Variants in SNX4 observed in about 807,000 individuals in gnomAD.
SNX4 encodes the protein sorting nexin 4.
SNX4 carries 49 observed loss-of-function variants against 70.8 expected under a neutral mutation model. The observed-to-expected ratio is 0.69, with a 90% CI of 0.55 to 0.88. SNX4 has a LOEUF of 0.88. Among genes scored for constraint, SNX4 ranks in the 40% least tolerant of loss-of-function variants. The pLI, the probability that SNX4 is intolerant of heterozygous loss-of-function variation, is 0.00. For missense variants in SNX4, 528 were observed against 544.8 expected (o/e 0.97, Z 0.31); for synonymous variants, 206 against 183.8 (o/e 1.12, Z -0.98).
chr3:125,483,986 T>C (rs1559817747), intron 6 of SNX4, among the ~76,000 whole-genome samples: 1 of 152,192 alleles, frequency 6.6e-6, no homozygotes, highest in Non-Finnish European at 1.5e-5. Flanking sequence ...GTCAGAATGT[T>C]GCAGTTTCAC....
chr3:125,472,479 T>A (rs529499082), intron 8 of SNX4, among the ~76,000 whole-genome samples: 1 of 152,330 alleles, frequency 6.6e-6, no homozygotes, highest in East Asian at 1.9e-4. Flanking sequence ...CATGGCACAC[T>A]CTTTCTGAAG....
At chr3:125,452,361 G>A (rs752434470) in intron 12 of SNX4, among the ~76,000 whole-genome samples, 15 of 152,146 alleles carry the variant, frequency 9.9e-5, no homozygotes, top group Non-Finnish European at 1.9e-4. Flanking sequence ...CTCCCAAAGT[G>A]CTAGGATTAC....
intron 9 of SNX4, among the ~76,000 whole-genome samples, chr3:125,464,374 T>C (rs1404690679): frequency 5.3e-5 from 8 of 152,192 alleles, no homozygotes; most frequent in Non-Finnish European, 4.4e-5. Flanking sequence ...CTATAAGCTA[T>C]ACTTTTACCT....
intron 6 of SNX4, among the ~76,000 whole-genome samples, chr3:125,483,202 C>A (rs897009392): frequency 6.6e-6 from 1 of 150,806 alleles, no homozygotes; most frequent in African/African-American, 2.4e-5. Context: ...TAACTGTGAG[C>A]GGCTTTCTTT....
At chr3:125,472,983 A>T (rs1027277305) in intron 8 of SNX4, among the ~76,000 whole-genome samples, 3 of 151,970 alleles carry the variant, frequency 2.0e-5, no homozygotes, top group African/African-American at 7.3e-5. Context: ...CTTCAAAAAT[A>T]ACCACAGTTC....
rs1412819772 is a variant in SNX4, at chr3:125,489,352, AGATT to A, written c.653+52_653+55del. 142 of 1,278,754 alleles carry A rather than the reference AGATT, an allele frequency of 1.1e-4. No homozygotes were observed. The African/African-American group carries it at 1.8e-3, about 16-fold the overall frequency. 79.2% of individuals were successfully genotyped at this position (1,278,754 alleles called of 1,614,324 possible). A position where few individuals can be genotyped will look rare whatever the true frequency, so the allele number is the denominator to read the frequency against. The stretch of plus-strand genomic sequence containing the variant: ...TACATTCAGAAATGAAAAATTAAAT[AGATT>A]GATAGCACCATTCAAAACAACATTG... On this transcript the variant is annotated intron_variant, in intron 6 of 13. Transcript: ENST00000251775.
intron 6 of SNX4, among the ~76,000 whole-genome samples, chr3:125,486,858 C>A (rs74642779): frequency 0.023 from 3,518 of 152,192 alleles, 143 homozygotes; most frequent in African/African-American, 0.08. Flanking sequence ...CCAGACCAGC[C>A]TGAGCAACAC....
In SNX4 at chr3:125,507,869, C is replaced by T. The variant is rs1423419611; in HGVS notation, c.142-3125G>A. ...CGGAGGTTGCAGTGAGCCAAGATCA[C>T]GCCACTGAACTTCAGTCTGGGCAAC... On this transcript the variant is annotated intron_variant, in intron 1 of 13. Coordinates refer to ENST00000251775, the MANE Select transcript of SNX4 (RefSeq NM_003794.4). Among the ~76,000 whole-genome samples, 7 of 151,942 alleles carry T rather than the reference C, an allele frequency of 4.6e-5. No individual in the cohort carries two copies. In the East Asian group the frequency reaches 5.8e-4, roughly 13 times the overall value.
intron 5 of SNX4, among the ~76,000 whole-genome samples, chr3:125,492,107 CAAAAAAAAAAAA>C (rs60558490): frequency 2.1e-4 from 10 of 47,398 alleles, no homozygotes; most frequent in African/African-American, 3.6e-4. Context: ...GACTCCATCT[CAAAAAAAAAAAA>C]AAAAAAAAAA....
chr3:125,488,193 AG>A (rs1934574536), intron 6 of SNX4, among the ~76,000 whole-genome samples: 5 of 147,400 alleles, frequency 3.4e-5, no homozygotes, highest in Middle Eastern at 3.5e-3. Flanking sequence ...AAAAAAAAAA[AG>A]GCCAGGCATG....
At chr3:125,486,331 A>AAACTATCACTTTACG (rs1297579099) in intron 6 of SNX4, among the ~76,000 whole-genome samples, 1 of 152,192 alleles carries the variant, frequency 6.6e-6, no homozygotes, top group Non-Finnish European at 1.5e-5. Context: ...TAAAAGAAAA[A>AAACTATCACTTTACG]AACTATCACT....
intron 4 of SNX4, 43 bp downstream of exon 4, chr3:125,497,791 A>C (rs775288770): frequency 7.2e-7 from 1 of 1,391,326 alleles, no homozygotes; most frequent in East Asian, 2.4e-5. Flanking sequence ...AAGAAACCCA[A>C]ATTAAATGAA....
At chr3:125,476,789 G>A (rs1265839930) in intron 7 of SNX4, 33 bp from the exon 8 acceptor site, 1 of 1,354,278 alleles carries the variant, frequency 7.4e-7, no homozygotes. Context: ...ATTGCTTTTA[G>A]GTCAAAGTTA....
chr3:125,497,865 C>G lies in SNX4; in HGVS notation c.518G>C (p.Arg173Thr). ...LRIASHPILC[R>T]DKIFYLFLTQ... ...TAAAAACAGATAGAAGATTTTGTCTCTACAAAGGATGGGATGTGAAGCAAT... is the reference window on the plus strand; with the variant it reads ...TAAAAACAGATAGAAGATTTTGTCTGTACAAAGGATGGGATGTGAAGCAAT... The change falls in exon 4 of 14, where the codon AGA becomes ACA. Residue 173 changes from arginine (R) to threonine (T), a missense_variant. By Grantham distance (71) the Arg-to-Thr change is moderately conservative (BLOSUM62 -1). Transcript: ENST00000251775. 1.2e-6 allele frequency: 2 copies of G among 1,613,276 alleles called. No homozygotes were observed. Among genetic ancestry groups the G allele is most frequent in the Non-Finnish European group, 1.7e-6 (2 of 1,179,676 alleles).
intron 6 of SNX4, among the ~76,000 whole-genome samples, chr3:125,480,777 A>T (rs1293081846): frequency 5.3e-5 from 8 of 152,104 alleles, no homozygotes; most frequent in Admixed American, 5.2e-4. Context: ...CAAACAACCA[A>T]GCTTCACAGA....
At chr3:125,455,212 A>G (rs1163976537) in intron 11 of SNX4, among the ~76,000 whole-genome samples, 1 of 152,192 alleles carries the variant, frequency 6.6e-6, no homozygotes, top group Admixed American at 6.6e-5. Context: ...CGGGATTGCC[A>G]TTGTAAGCTA....
At chr3:125,463,512 T>C (rs78714644) in intron 9 of SNX4, among the ~76,000 whole-genome samples, 5,764 of 152,278 alleles carry the variant, frequency 0.038, 251 homozygotes, top group African/African-American at 0.092. Context: ...TCCTAAATTC[T>C]TGGAAACATT....
At chr3:125,459,550 C>T (rs1933821294) in intron 10 of SNX4, among the ~76,000 whole-genome samples, 1 of 152,112 alleles carries the variant, frequency 6.6e-6, no homozygotes, top group Non-Finnish European at 1.5e-5. Flanking sequence ...AGTTATTCTG[C>T]CTCAGCCTCT....
rs10662065 is a variant in SNX4, at chr3:125,517,008, A to ATTTAC, written c.141+3023_141+3024insGTAAA. The ATTTAC allele has an allele frequency of 4.0e-5, 6 of 151,318 alleles. No individual in the cohort carries two copies. In the East Asian group the frequency reaches 9.7e-4, roughly 25 times the overall value. 9.4% of individuals were successfully genotyped at this position (151,318 alleles called of 1,614,324 possible). On this transcript the variant is annotated intron_variant, in intron 1 of 13. Coordinates refer to ENST00000251775, the MANE Select transcript of SNX4 (RefSeq NM_003794.4). ...GGTCTGAAGATAGTAAGTTATCTCAATTTCACAAATCAGTTACAGATCAAA... is the reference window on the plus strand; with the variant it reads ...GGTCTGAAGATAGTAAGTTATCTCAATTTACTTTCACAAATCAGTTACAGATCAAA...
Sources: allele counts gnomAD v4.1 joint callset (sites outside exome capture counted in the v4.1 genomes callset), GRCh38; gene constraint gnomAD v4.1.1; transcripts MANE v1.5; gene names NCBI Gene and HGNC (gene_info 2026-07-23, HGNC 2026-07-21).